FAM209A: variants seen among roughly 807,000 people sequenced by gnomAD.
FAM209A encodes protein FAM209A.
In FAM209A, 4 loss-of-function variants were observed where a neutral mutation model predicts 9.8. The observed-to-expected ratio is 0.41, with a 90% CI of 0.20 to 0.94. The LOEUF (loss-of-function observed/expected upper bound fraction) is 0.94, where lower values mean the gene tolerates loss of function less well. Among genes scored for constraint, FAM209A ranks in the 40% least tolerant of loss-of-function variants. The probability of loss-of-function intolerance (pLI) is 0.32; values close to 1 mark genes in which losing one functional copy is unlikely to be tolerated. For synonymous variants in FAM209A, 55 were observed against 77.8 expected, an observed-to-expected ratio of 0.71 and a Z score of 1.54; for missense variants, 205 against 209.4, an observed-to-expected ratio of 0.98 and a Z score of 0.13.
At chr20:56,525,578 G>T (rs1389347624) in intron 1 of FAM209A, among the ~76,000 whole-genome samples, 2 of 152,170 alleles carry the variant, frequency 1.3e-5, no homozygotes, top group African/African-American at 4.8e-5. Flanking sequence ...GAGAGAAAGT[G>T]CGTTCTCCCC....
Position 56,525,800 on chromosome 20 carries a change from A to G in FAM209A, c.250-4A>G. 1 of 1,612,270 alleles carries G rather than the reference A, an allele frequency of 6.2e-7. No individual in the cohort carries two copies. Among genetic ancestry groups the G allele is most frequent in the East Asian group, 2.2e-5 (1 of 44,874 alleles). On this transcript the variant is annotated splice_region_variant and splice_polypyrimidine_tract_variant and intron_variant, in intron 1 of 1. Transcript: ENST00000371328. The stretch of plus-strand genomic sequence containing the variant: ...TTACTGACCTTGAGTATCTTTCCTG[A>G]CAGGAGCAGAGTCCTCCTGGCCTTC...
intron 1 of FAM209A, 162 bp from the exon 2 acceptor site, chr20:56,525,642 C>G (rs73289086): frequency 2.8e-6 from 2 of 725,336 alleles, no homozygotes; most frequent in African/African-American, 3.5e-5. Flanking sequence ...GAGCAGGGAT[C>G]GGCAAACCCT....
chr20:56,525,966 G>T lies in FAM209A; in HGVS notation c.412G>T (p.Ala138Ser). The T allele has an allele frequency of 6.2e-7, 1 of 1,614,182 alleles. No individual in the cohort carries two copies. Among genetic ancestry groups the T allele is most frequent in the Non-Finnish European group, 8.5e-7 (1 of 1,180,040 alleles). ...AGTGCGGAATCTTAAACGTGCCATGGCAACAGGTAGTGGCAGTAACCTCAG... is the reference window on the plus strand; with the variant it reads ...AGTGCGGAATCTTAAACGTGCCATGTCAACAGGTAGTGGCAGTAACCTCAG... ...SKVRNLKRAM[A>S]TGSGSNLRLR... is the part of the protein sequence containing the mutation. Residue 138 changes from alanine to serine, a missense_variant, in exon 2 of 2, where the codon GCA becomes TCA. Transcript: ENST00000371328.
the FAM209A span, among the ~76,000 whole-genome samples, chr20:56,532,509 G>C: frequency 4.4e-5 from 5 of 113,582 alleles, no homozygotes; most frequent in South Asian, 2.8e-4. Flanking sequence ...TTTTGAGACA[G>C]AGTCTTGCTC....
downstream of FAM209A, among the ~76,000 whole-genome samples, chr20:56,531,128 G>A (rs1030430621): frequency 1.3e-5 from 2 of 151,940 alleles, no homozygotes; most frequent in Admixed American, 6.6e-5. Context: ...CTTCTCACTT[G>A]GGGGATTCAG....
At chr20:56,533,129 CT>C in the FAM209A span, 1 of 1,423,052 alleles carries the variant, frequency 7.0e-7, no homozygotes, top group South Asian at 1.5e-5. Context: ...CTCTGACTGC[CT>C]GCTGGAAATG....
chr20:56,532,378 A>T, the FAM209A span, among the ~76,000 whole-genome samples: 2 of 151,344 alleles, frequency 1.3e-5, no homozygotes, highest in Non-Finnish European at 2.9e-5. Context: ...TGGCCACAGG[A>T]TGGATGATTT....
chr20:56,531,975 T>TTTTCTTTTCTTTTC, the FAM209A span, among the ~76,000 whole-genome samples: 2 of 99,852 alleles, frequency 2.0e-5, no homozygotes, highest in African/African-American at 8.2e-5. Flanking sequence ...TTTTCTTTTC[T>TTTTCTTTTCTTTTC]TTTTTTTTTT....
chr20:56,527,535 C>G (rs1012944518), downstream of FAM209A, among the ~76,000 whole-genome samples: 7 of 152,350 alleles, frequency 4.6e-5, no homozygotes, highest in Non-Finnish European at 4.4e-5. Flanking sequence ...GCCCACAGGT[C>G]CCAGGAATGA....
chr20:56,532,474 C>CTTTTTCTTTTTTTTTTTTTTTTTTTTT, the FAM209A span, among the ~76,000 whole-genome samples: 1 of 130,872 alleles, frequency 7.6e-6, no homozygotes, highest in Non-Finnish European at 1.6e-5. Context: ...CTTTCTTTTT[C>CTTTTTCTTTTTTTTTTTTTTTTTTTTT]TTTTTCTTTT....
the FAM209A span, among the ~76,000 whole-genome samples, chr20:56,532,882 A>G: frequency 6.6e-6 from 1 of 152,092 alleles, no homozygotes; most frequent in African/African-American, 2.4e-5. Context: ...TTTAGAAACA[A>G]CATAGGCCAA....
downstream of FAM209A, among the ~76,000 whole-genome samples, chr20:56,526,902 A>T (rs1428447579): frequency 6.6e-6 from 1 of 152,202 alleles, no homozygotes; most frequent in Non-Finnish European, 1.5e-5. Context: ...CCCCATCTCT[A>T]TTATTTTAAA....
intron 1 of FAM209A, 161 bp from the exon 2 acceptor site, chr20:56,525,643 G>C (rs572418066): frequency 4.1e-6 from 3 of 735,924 alleles, no homozygotes; most frequent in Non-Finnish European, 6.8e-6. Flanking sequence ...AGCAGGGATC[G>C]GCAAACCCTT....
Position 56,524,848 on chromosome 20 carries a change from C to G in FAM209A, c.40C>G (p.Leu14Val). The G allele has an allele frequency of 6.2e-7, 1 of 1,614,210 alleles. No individual in the cohort carries two copies. The highest frequency in any genetic ancestry group is 8.5e-7 in the Non-Finnish European group (1 of 1,180,024). The change falls in exon 1 of 2, where the codon CTC becomes GTC. Residue 14 changes from leucine to valine, a missense_variant. Coordinates refer to ENST00000371328, the MANE Select transcript of FAM209A (RefSeq NM_001012971.4). ...ATCGTCCCTGGTCCTGCTTCTGTGC[C>G]TCACCTGCAGCTATGCCTTTATGTT... is the stretch of plus-strand genomic sequence containing the variant. Reference protein sequence around the residue: ...LKSSLVLLLCLTCSYAFMFSS... With the variant: ...LKSSLVLLLCVTCSYAFMFSS...
rs1054361 is a variant in FAM209A, at chr20:56,525,991, G to A, written c.437G>A (p.Arg146Lys). Residue 146 changes from arginine (R) to lysine (K), a missense_variant, in exon 2 of 2, where the codon AGG becomes AAG. By Grantham distance (26) the Arg-to-Lys change is conservative (BLOSUM62 2). Transcript: ENST00000371328. The stretch of plus-strand genomic sequence containing the variant: ...GCAACAGGTAGTGGCAGTAACCTCA[G>A]GCTTCGAAAGTCAGAGATGCCTGCA... Reference protein sequence around the residue: ...AMATGSGSNLRLRKSEMPADP... With the variant: ...AMATGSGSNLKLRKSEMPADP... The A allele has an allele frequency of 4.3e-6, 7 of 1,614,072 alleles. No homozygotes were observed. Among genetic ancestry groups the A allele is most frequent in the African/African-American group, 1.3e-5 (1 of 74,932 alleles).
At chr20:56,525,157 A>G (rs889394006) in intron 1 of FAM209A, 100 bp downstream of exon 1, 4 of 1,508,798 alleles carry the variant, frequency 2.7e-6, no homozygotes, top group African/African-American at 1.4e-5. Context: ...GTTGGGTATA[A>G]TGAACCGACC....
At chr20:56,530,934 G>A (rs187774619), downstream of FAM209A, among the ~76,000 whole-genome samples, 26 of 152,308 alleles carry the variant, frequency 1.7e-4, no homozygotes, top group Non-Finnish European at 5.9e-5. Flanking sequence ...GAGTAAATCT[G>A]CGAATCAGAG....
chr20:56,533,192 C>T, the FAM209A span: 1 of 1,520,766 alleles, frequency 6.6e-7, no homozygotes, highest in African/African-American at 1.4e-5. Flanking sequence ...GACCTGTAAC[C>T]TCTGTCCTGA....
At chr20:56,525,275 G>A (rs539675372) in intron 1 of FAM209A, among the ~76,000 whole-genome samples, 27 of 152,266 alleles carry the variant, frequency 1.8e-4, no homozygotes, top group African/African-American at 6.3e-4. Flanking sequence ...AGTGACCTCT[G>A]CTTACTGGCT....
Sources: allele counts gnomAD v4.1 joint callset (sites outside exome capture counted in the v4.1 genomes callset), GRCh38; gene constraint gnomAD v4.1.1; transcripts MANE v1.5; gene names NCBI Gene and HGNC (gene_info 2026-07-23, HGNC 2026-07-21).